The following DCC variants were observed in gnomAD, a reference collection of about 807,000 sequenced individuals.
DCC encodes the protein netrin receptor DCC.
Under a neutral mutation model 172.5 loss-of-function variants are expected in DCC, and 58 were observed. That is an observed-to-expected ratio of 0.34 (90% CI 0.27 to 0.42). DCC has a LOEUF of 0.42. DCC is among the 10% of genes least tolerant of loss of function. The pLI, the probability that DCC is intolerant of heterozygous loss-of-function variation, is 1.00. For missense variants in DCC, 1,740 were observed against 1,791.0 expected, an observed-to-expected ratio of 0.97 and a Z score of 0.51; for synonymous variants, 709 against 644.5, an observed-to-expected ratio of 1.10 and a Z score of -1.52.
chr18:53,181,052 A>G (rs1032473717), intron 9 of DCC, among the ~76,000 whole-genome samples: 9 of 152,312 alleles, frequency 5.9e-5, no homozygotes, highest in Admixed American at 3.3e-4. Context: ...CACACTATAT[A>G]TGGTATATCT....
At chr18:52,593,045 C>G (rs186950891) in intron 1 of DCC, among the ~76,000 whole-genome samples, 2 of 152,288 alleles carry the variant, frequency 1.3e-5, no homozygotes, top group East Asian at 3.9e-4. Flanking sequence ...TACCATGCTC[C>G]TCAGGTAGTA....
intron 1 of DCC, among the ~76,000 whole-genome samples, chr18:52,400,690 A>G (rs563435299): frequency 9.2e-5 from 14 of 152,254 alleles, no homozygotes; most frequent in African/African-American, 2.6e-4. Context: ...ACTTGGAACC[A>G]ACCCAAATGC....
intron 2 of DCC, among the ~76,000 whole-genome samples, chr18:52,824,264 C>T (rs1184551973): frequency 6.6e-6 from 1 of 152,104 alleles, no homozygotes; most frequent in Non-Finnish European, 1.5e-5. Flanking sequence ...TATTCTGTTT[C>T]TTTTACTCTC....
At chr18:53,444,722 C>G (rs1253008922) in intron 22 of DCC, among the ~76,000 whole-genome samples, 1 of 152,192 alleles carries the variant, frequency 6.6e-6, no homozygotes, top group Non-Finnish European at 1.5e-5. Context: ...ACTTAATAGA[C>G]TACAGTATAG....
chr18:52,623,615 C>T (rs79706856), intron 1 of DCC, among the ~76,000 whole-genome samples: 5,467 of 152,236 alleles, frequency 0.036, 144 homozygotes, highest in Non-Finnish European at 0.053. Context: ...AAGCCTTAAG[C>T]GAACAGTTCA....
chr18:53,139,390 G>A (rs2043796702), intron 7 of DCC, among the ~76,000 whole-genome samples: 1 of 152,166 alleles, frequency 6.6e-6, no homozygotes, highest in Non-Finnish European at 1.5e-5. Flanking sequence ...TCTTTAAAAT[G>A]AGGAAATAGG....
intron 5 of DCC, among the ~76,000 whole-genome samples, chr18:53,021,437 A>G (rs1471850011): frequency 6.6e-6 from 1 of 152,198 alleles, no homozygotes; most frequent in Non-Finnish European, 1.5e-5. Context: ...GAGTCTGGCA[A>G]GCTGAGAAGT....
chr18:53,071,079 TGA>T lies in DCC; in HGVS notation c.1261+4917_1261+4918del, dbSNP rs556070772. 4.0e-3 allele frequency among the ~76,000 whole-genome samples: 609 copies of T among 152,342 alleles called. 3 individuals are homozygous for T. Among genetic ancestry groups the T allele is most frequent in the African/African-American group, 0.014 (579 of 41,572 alleles). ...TAGCCTGTCCACAGGGGCTTGTGGC[TGA>T]GAGTTACTCTTGGCAACCATAACAA... On this transcript the variant is annotated intron_variant, in intron 7 of 28. Transcript: ENST00000442544.
At chr18:52,590,025 T>A (rs554178865) in intron 1 of DCC, among the ~76,000 whole-genome samples, 2 of 152,224 alleles carry the variant, frequency 1.3e-5, no homozygotes, top group Non-Finnish European at 1.5e-5. Context: ...ATACTTTCCA[T>A]AATAAAATAG....
At chr18:53,259,764 G>C (rs566209619) in intron 12 of DCC, among the ~76,000 whole-genome samples, 340 of 152,208 alleles carry the variant, frequency 2.2e-3, no homozygotes, top group African/African-American at 8.0e-3. Context: ...GCCTGCCTTG[G>C]TAGATTGGGG....
chr18:52,383,476 C>T (rs1985669315), intron 1 of DCC, among the ~76,000 whole-genome samples: 1 of 151,948 alleles, frequency 6.6e-6, no homozygotes, highest in African/African-American at 2.4e-5. Flanking sequence ...TTATTTATCT[C>T]ATTGAATGTT....
intron 5 of DCC, among the ~76,000 whole-genome samples, chr18:52,989,438 A>C (rs2041346906): frequency 6.6e-6 from 1 of 152,014 alleles, no homozygotes; most frequent in Non-Finnish European, 1.5e-5. Flanking sequence ...CAGGAGAATC[A>C]CTTGAACCTG....
intron 3 of DCC, 148 bp from the exon 4 acceptor site, chr18:52,923,559 A>G: frequency 1.5e-6 from 1 of 687,352 alleles, no homozygotes; most frequent in Non-Finnish European, 2.6e-6. Flanking sequence ...TACACTTGGG[A>G]TGAAAAAAAC....
At chr18:52,727,447 G>T (rs1260602752) in intron 1 of DCC, among the ~76,000 whole-genome samples, 1 of 152,074 alleles carries the variant, frequency 6.6e-6, no homozygotes, top group Non-Finnish European at 1.5e-5. Context: ...AGAGTTTCAG[G>T]ATCCTGAAAC....
chr18:52,777,968 C>T (rs759453819), intron 2 of DCC, among the ~76,000 whole-genome samples: 1 of 151,814 alleles, frequency 6.6e-6, no homozygotes, highest in Non-Finnish European at 1.5e-5. Context: ...ATTATCTAAT[C>T]TTGATAGAAG....
At chr18:52,401,235 T>C (rs1315434424) in intron 1 of DCC, among the ~76,000 whole-genome samples, 1 of 151,972 alleles carries the variant, frequency 6.6e-6, no homozygotes, top group Non-Finnish European at 1.5e-5. Flanking sequence ...ATCATATGCT[T>C]TCCTAATGGG....
rs367907467 is a variant in DCC, at chr18:53,128,870, C to CATATATATATAT, written c.1262-28463_1262-28452dup. On this transcript the variant is annotated intron_variant, in intron 7 of 28. Coordinates refer to ENST00000442544, the MANE Select transcript of DCC (RefSeq NM_005215.4). The stretch of plus-strand genomic sequence containing the variant: ...ACACACACACACACACACACACACA[C>CATATATATATAT]ATATATATATATATATATATATATA... 3.1e-4 allele frequency among the ~76,000 whole-genome samples: 24 copies of CATATATATATAT among 77,450 alleles called. 1 individual carries two copies. The highest frequency in any genetic ancestry group is 1.9e-3 in the South Asian group (4 of 2,120). The allele number at this position is 77,450 out of a possible 152,430, so 50.8% of individuals were successfully genotyped here. A position where few individuals can be genotyped will look rare whatever the true frequency, so the allele number is the denominator to read the frequency against.
chr18:52,941,502 G>GTGTGTGTATA (rs151312837), intron 5 of DCC, among the ~76,000 whole-genome samples: 12 of 148,970 alleles, frequency 8.1e-5, no homozygotes, highest in African/African-American at 2.9e-4. Context: ...GTGTGTGTGT[G>GTGTGTGTATA]TATATATATA....
At chr18:52,868,259 T>A (rs543241963) in intron 2 of DCC, among the ~76,000 whole-genome samples, 1 of 152,224 alleles carries the variant, frequency 6.6e-6, no homozygotes, top group African/African-American at 2.4e-5. Context: ...GGAAAGCCCA[T>A]GATGTAATTT....
Sources: gnomAD v4.1 joint callset for allele counts (sites outside exome capture counted in the v4.1 genomes callset) on GRCh38, gnomAD v4.1.1 for gene constraint, MANE v1.5 for transcripts, NCBI Gene and HGNC (gene_info 2026-07-23, HGNC 2026-07-21) for gene names.